The following TANC1 variants were observed in gnomAD, a reference collection of about 807,000 sequenced individuals.
TANC1 encodes the protein protein TANC1.
In TANC1, 77 loss-of-function variants were observed where a neutral mutation model predicts 149.7. That is an observed-to-expected ratio of 0.51 (90% CI 0.43 to 0.62). The LOEUF is 0.62. Ranked by LOEUF, TANC1 falls within the 20% of genes least tolerant of loss-of-function variation. The probability of loss-of-function intolerance (pLI) is 0.00; values close to 1 mark genes in which losing one functional copy is unlikely to be tolerated. For missense variants in TANC1, 1,985 were observed against 2,321.8 expected (o/e 0.85, Z 2.98); for synonymous variants, 854 against 925.0 (o/e 0.92, Z 1.39).
intron 3 of TANC1, among the ~76,000 whole-genome samples, chr2:159,084,901 C>A (rs1201426016): frequency 6.6e-6 from 1 of 152,146 alleles, no homozygotes; most frequent in African/African-American, 2.4e-5. Context: ...TGGCTGGGTT[C>A]AATTCCGGAT....
chr2:159,068,812 T>A (rs1038816164), intron 3 of TANC1, among the ~76,000 whole-genome samples: 8 of 152,184 alleles, frequency 5.3e-5, no homozygotes, highest in Admixed American at 2.0e-4. Context: ...CCATCTCCAC[T>A]CACTGCAACC....
chr2:159,225,424 A>G (rs951989852), intron 23 of TANC1: 2 of 536,996 alleles, frequency 3.7e-6, no homozygotes, highest in Non-Finnish European at 6.7e-6. Flanking sequence ...CCCACCCGGA[A>G]GGGAGGAATG....
intron 1 of TANC1, among the ~76,000 whole-genome samples, chr2:158,983,049 A>G (rs1417012887): frequency 1.3e-5 from 2 of 152,266 alleles, no homozygotes; most frequent in East Asian, 3.8e-4. Context: ...CTTGATTTCA[A>G]GATAATCTGT....
At chr2:159,177,033 C>T (rs746652288) in intron 13 of TANC1, among the ~76,000 whole-genome samples, 9 of 150,826 alleles carry the variant, frequency 6.0e-5, no homozygotes, top group African/African-American at 1.7e-4. Flanking sequence ...CCTTGGCCTC[C>T]GGAGTAGCTG....
At chr2:159,194,569 G>A in intron 17 of TANC1, 76 bp downstream of exon 17, 2 of 1,280,762 alleles carry the variant, frequency 1.6e-6, no homozygotes, top group Non-Finnish European at 2.3e-6. Context: ...TTATTTGCTG[G>A]GCCAGACTCT....
intron 11 of TANC1, among the ~76,000 whole-genome samples, chr2:159,173,217 A>G (rs906316703): frequency 6.6e-6 from 1 of 152,246 alleles, no homozygotes; most frequent in African/African-American, 2.4e-5. Flanking sequence ...AATCACCCAC[A>G]TAACTAAAGC....
chr2:159,183,630 G>A (rs1443985695), intron 14 of TANC1, among the ~76,000 whole-genome samples: 1 of 152,084 alleles, frequency 6.6e-6, no homozygotes, highest in East Asian at 1.9e-4. Flanking sequence ...GGAGAGAGAG[G>A]AGGGAGCCAG....
intron 1 of TANC1, among the ~76,000 whole-genome samples, chr2:158,991,620 G>A (rs2035638783): frequency 6.6e-6 from 1 of 152,210 alleles, no homozygotes; most frequent in African/African-American, 2.4e-5. Context: ...CAGGCGTGGT[G>A]GCGGGGGCCT....
At position 159,175,054 on chromosome 2, in the gene TANC1, G is replaced by C. The variant is rs376280889; in HGVS notation, c.1605G>C (p.Leu535=). The change falls in exon 12 of 27, where the codon CTG becomes CTC. Residue 535 remains leucine, a synonymous_variant. Coordinates refer to ENST00000263635, the MANE Select transcript of TANC1 (RefSeq NM_033394.3). ...IAALLCRSHQ[L]AAYRDLLIKE... is the part of the protein sequence containing the mutation. ...CTTTGCTCTGCCGGTCCCATCAGCT[G>C]GCCGCCTACAGAGACCTTCTGATAA... 39 of 1,614,062 alleles carry C rather than the reference G, an allele frequency of 2.4e-5. No individual in the cohort carries two copies. The highest frequency in any genetic ancestry group is 1.6e-4 in the Middle Eastern group (1 of 6,084).
intron 2 of TANC1, among the ~76,000 whole-genome samples, chr2:159,008,315 G>T (rs577724079): frequency 6.6e-6 from 1 of 152,302 alleles, no homozygotes; most frequent in Admixed American, 6.5e-5. Context: ...TATCACAGCT[G>T]TGCCCTATTG....
intron 3 of TANC1, among the ~76,000 whole-genome samples, chr2:159,087,030 G>A (rs1298772966): frequency 6.6e-6 from 1 of 151,880 alleles, no homozygotes; most frequent in Non-Finnish European, 1.5e-5. Context: ...CATCCCAATC[G>A]TGAAAAATGT....
At chr2:159,145,330 G>A (rs985833934) in intron 5 of TANC1, among the ~76,000 whole-genome samples, 2 of 152,162 alleles carry the variant, frequency 1.3e-5, no homozygotes, top group Non-Finnish European at 2.9e-5. Context: ...AAGGAAGTGC[G>A]GGCTCTTGGT....
chr2:159,057,983 TC>T (rs1028526795), intron 2 of TANC1, among the ~76,000 whole-genome samples: 3 of 152,096 alleles, frequency 2.0e-5, no homozygotes, highest in African/African-American at 7.2e-5. Flanking sequence ...GGGAGGTAAG[TC>T]TCAGCTAGGG....
intron 2 of TANC1, among the ~76,000 whole-genome samples, chr2:159,038,146 G>GCT: frequency 6.6e-6 from 1 of 152,118 alleles, no homozygotes; most frequent in South Asian, 2.1e-4. Context: ...TCATGATTTG[G>GCT]CTCTCTGTGT....
intron 2 of TANC1, among the ~76,000 whole-genome samples, chr2:159,030,134 T>C (rs1165202722): frequency 6.6e-6 from 1 of 152,110 alleles, no homozygotes; most frequent in Non-Finnish European, 1.5e-5. Context: ...GGTTTTTAAG[T>C]GACTGTGTGT....
chr2:159,088,504 C>T (rs976666591), intron 3 of TANC1, among the ~76,000 whole-genome samples: 5 of 151,992 alleles, frequency 3.3e-5, no homozygotes, highest in African/African-American at 1.2e-4. Flanking sequence ...TTTAAATTTC[C>T]TGCTTTTCTT....
intron 3 of TANC1, among the ~76,000 whole-genome samples, chr2:159,067,975 T>C (rs1398568217): frequency 6.6e-6 from 1 of 152,266 alleles, no homozygotes; most frequent in African/African-American, 2.4e-5. Flanking sequence ...TATTGCTTTT[T>C]CTGAATCATT....
chr2:159,187,964 G>T (rs2057137105), intron 16 of TANC1, among the ~76,000 whole-genome samples: 1 of 152,150 alleles, frequency 6.6e-6, no homozygotes, highest in South Asian at 2.1e-4. Context: ...AAATTTAAAG[G>T]TACTGCATAA....
chr2:159,027,937 A>AT (rs1298786285), intron 2 of TANC1, among the ~76,000 whole-genome samples: 2 of 150,628 alleles, frequency 1.3e-5, no homozygotes, highest in African/African-American at 4.9e-5. Context: ...AAGAGCGTGC[A>AT]TGTCAGTTCA....
Sources: gnomAD v4.1 joint callset for allele counts (sites outside exome capture counted in the v4.1 genomes callset) on GRCh38, gnomAD v4.1.1 for gene constraint, MANE v1.5 for transcripts, NCBI Gene and HGNC (gene_info 2026-07-23, HGNC 2026-07-21) for gene names.